Variants in MOB1B observed in about 807,000 individuals in gnomAD.
The protein encoded by MOB1B is MOB1 Mps One Binder homolog B.
MOB1B carries 19 observed loss-of-function variants against 24.4 expected under a neutral mutation model. The observed-to-expected ratio is 0.78, with a 90% CI of 0.54 to 1.14. The LOEUF (loss-of-function observed/expected upper bound fraction) is 1.14, where lower values mean the gene tolerates loss of function less well. Ranked by LOEUF, MOB1B falls within the 50% of genes most tolerant of loss-of-function variation. The probability of loss-of-function intolerance (pLI) is 0.00; values close to 1 mark genes in which losing one functional copy is unlikely to be tolerated. For missense variants in MOB1B, 243 were observed against 259.6 expected (o/e 0.94, Z 0.44); for synonymous variants, 76 against 82.1 (o/e 0.93, Z 0.40).
chr4:70,902,659 C>A, intron 1 of MOB1B, 109 bp downstream of exon 1: 1 of 1,070,252 alleles, frequency 9.3e-7, no homozygotes, highest in Non-Finnish European at 1.3e-6. Context: ...TGGCCCAGCG[C>A]TCCCGGGGCC....
At chr4:70,952,110 C>T (rs28543058) in intron 1 of MOB1B, among the ~76,000 whole-genome samples, 29,309 of 152,106 alleles carry the variant, frequency 0.19, 6,257 homozygotes, top group African/African-American at 0.53. Flanking sequence ...AACCTTCATA[C>T]ATGCGTACAC....
In MOB1B at chr4:70,905,004, G is replaced by T. The variant is rs146535983; in HGVS notation, c.14+2454G>T. On this transcript the variant is annotated intron_variant, in intron 1 of 5. Coordinates refer to ENST00000309395, the MANE Select transcript of MOB1B (RefSeq NM_173468.4). ...CTTTAGAGCATTTGCACTATTTGGG[G>T]CACAATTTTTCAGTTAGGTTATATC... Among the ~76,000 whole-genome samples, 438 of 152,124 alleles carry T rather than the reference G, an allele frequency of 2.9e-3. 3 individuals carry two copies. The highest frequency in any genetic ancestry group is 0.01 in the African/African-American group (428 of 41,516).
At chr4:70,923,206 G>A (rs1444061249) in intron 1 of MOB1B, among the ~76,000 whole-genome samples, 1 of 152,114 alleles carries the variant, frequency 6.6e-6, no homozygotes, top group African/African-American at 2.4e-5. Flanking sequence ...CGTTACAACT[G>A]CGGGAGAATT....
intron 1 of MOB1B, among the ~76,000 whole-genome samples, chr4:70,924,195 CTT>C (rs2148875169): frequency 6.6e-6 from 1 of 152,264 alleles, no homozygotes; most frequent in Non-Finnish European, 1.5e-5. Flanking sequence ...TGAAATAGCT[CTT>C]TGTTTAAAAA....
Position 70,983,113 on chromosome 4 carries a change from C to G in MOB1B, c.*1056C>G, listed in dbSNP as rs189514132. 6.6e-6 allele frequency: 1 copy of G among 152,510 alleles called. No individual in the cohort carries two copies. Among genetic ancestry groups the G allele is most frequent in the East Asian group, 1.9e-4 (1 of 5,186 alleles). The allele number at this position is 152,510 out of a possible 1,614,324, so 9.4% of individuals were successfully genotyped here. ...TTAGAGACTTCCTTTTAGGAATCAA[C>G]TTCCATGAGAAGTTAAAAATAAATT... On this transcript the variant is annotated 3_prime_UTR_variant, in exon 6 of 6. Coordinates refer to ENST00000309395, the MANE Select transcript of MOB1B (RefSeq NM_173468.4).
intron 1 of MOB1B, among the ~76,000 whole-genome samples, chr4:70,937,224 A>G (rs1442909524): frequency 1.3e-5 from 2 of 150,898 alleles, no homozygotes; most frequent in African/African-American, 4.9e-5. Context: ...GTTCTCTAAT[A>G]CTTTTTTATT....
At chr4:70,932,424 A>C (rs1214531416) in intron 1 of MOB1B, among the ~76,000 whole-genome samples, 1 of 152,126 alleles carries the variant, frequency 6.6e-6, no homozygotes, top group Admixed American at 6.6e-5. Flanking sequence ...TAACCACATG[A>C]AGTAGGTAAT....
At chr4:70,969,484 T>G (rs1232918864) in intron 2 of MOB1B, among the ~76,000 whole-genome samples, 1 of 152,182 alleles carries the variant, frequency 6.6e-6, no homozygotes, top group Non-Finnish European at 1.5e-5. Context: ...CAGATAAATC[T>G]TAGCCTTTTT....
rs771108025 is a variant in MOB1B, at chr4:70,982,084, C to T, written c.*27C>T. ...AGGATGCAGAGCTGTGCAAATTGTTCCTCAAATGAAGCAGTGTGGAGTGTA... is the reference window on the plus strand; with the variant it reads ...AGGATGCAGAGCTGTGCAAATTGTTTCTCAAATGAAGCAGTGTGGAGTGTA... On this transcript the variant is annotated 3_prime_UTR_variant, in exon 6 of 6. Transcript: ENST00000309395. 6.6e-7 allele frequency: 1 copy of T among 1,522,938 alleles called. No individual in the cohort carries two copies. Among genetic ancestry groups the T allele is most frequent in the Non-Finnish European group, 9.1e-7 (1 of 1,099,154 alleles). 94.3% of individuals were successfully genotyped at this position (1,522,938 alleles called of 1,614,324 possible). A position where few individuals can be genotyped will look rare whatever the true frequency, so the allele number is the denominator to read the frequency against.
chr4:70,935,230 G>A (rs1310048633), intron 1 of MOB1B, among the ~76,000 whole-genome samples: 1 of 152,144 alleles, frequency 6.6e-6, no homozygotes, highest in Non-Finnish European at 1.5e-5. Flanking sequence ...GTGGGCTACA[G>A]CCTACATGGA....
At chr4:70,960,562 T>C (rs1212517656) in intron 2 of MOB1B, among the ~76,000 whole-genome samples, 1 of 152,182 alleles carries the variant, frequency 6.6e-6, no homozygotes, top group Non-Finnish European at 1.5e-5. Flanking sequence ...CCCCCTCTAA[T>C]ACCTTTTAGG....
At chr4:70,955,885 A>G (rs746530220) in intron 1 of MOB1B, among the ~76,000 whole-genome samples, 1 of 151,988 alleles carries the variant, frequency 6.6e-6, no homozygotes, top group Non-Finnish European at 1.5e-5. Flanking sequence ...ATTTATATAA[A>G]TAAATTTTTA....
At chr4:70,925,064 G>A (rs1385412819) in intron 1 of MOB1B, among the ~76,000 whole-genome samples, 1 of 151,908 alleles carries the variant, frequency 6.6e-6, no homozygotes, top group Non-Finnish European at 1.5e-5. Flanking sequence ...ATTTTTTTGA[G>A]ATGGAGTCTT....
chr4:70,919,452 A>C (rs1374864803), intron 1 of MOB1B, among the ~76,000 whole-genome samples: 1 of 152,112 alleles, frequency 6.6e-6, no homozygotes, highest in East Asian at 1.9e-4. Context: ...TACCAAAAAA[A>C]CCTCACATTC....
intron 1 of MOB1B, among the ~76,000 whole-genome samples, chr4:70,915,343 C>T (rs1394608866): frequency 7.2e-5 from 11 of 152,084 alleles, no homozygotes; most frequent in Admixed American, 4.6e-4. Flanking sequence ...GAAGGAATGA[C>T]GGGATTTATT....
chr4:70,905,885 G>A (rs1460852551), intron 1 of MOB1B, among the ~76,000 whole-genome samples: 4 of 151,888 alleles, frequency 2.6e-5, no homozygotes, highest in East Asian at 3.9e-4. Flanking sequence ...ACAACATGGC[G>A]AAACTCTCTT....
At chr4:70,918,611 T>C (rs1445412129) in intron 1 of MOB1B, among the ~76,000 whole-genome samples, 1 of 151,860 alleles carries the variant, frequency 6.6e-6, no homozygotes, top group Non-Finnish European at 1.5e-5. Context: ...GATGAGTAGG[T>C]TGCGAAAATT....
At chr4:70,927,124 G>A (rs536359084) in intron 1 of MOB1B, among the ~76,000 whole-genome samples, 3 of 152,320 alleles carry the variant, frequency 2.0e-5, no homozygotes, top group Middle Eastern at 3.4e-3. Context: ...CAAGTCCACT[G>A]GCTAATGATG....
chr4:70,979,268 A>G lies in MOB1B; in HGVS notation c.550A>G (p.Lys184Glu). The change falls in exon 5 of 6, where the codon AAG becomes GAG. Residue 184 changes from lysine (K) to glutamate (E), a missense_variant. By Grantham distance (56) the Lys-to-Glu change is moderately conservative (BLOSUM62 1). Transcript: ENST00000309395. ...GGAAGCACATCTAAATACATCTTTC[A>G]AGCACTTTATTTTTTTTGTCCAGGT... The part of the protein sequence containing the change: ...QEEAHLNTSF[K>E]HFIFFVQEFN... 6.2e-7 allele frequency: 1 copy of G among 1,613,478 alleles called. No homozygotes were observed. Among genetic ancestry groups the G allele is most frequent in the Non-Finnish European group, 8.5e-7 (1 of 1,179,832 alleles).
Sources: gnomAD v4.1 joint callset for allele counts (sites outside exome capture counted in the v4.1 genomes callset) on GRCh38, gnomAD v4.1.1 for gene constraint, MANE v1.5 for transcripts, NCBI Gene and HGNC (gene_info 2026-07-23, HGNC 2026-07-21) for gene names.